Variants in ACYP2 observed in about 807,000 individuals in gnomAD.
ACYP2 encodes the protein acylphosphatase 2.
In ACYP2, 12 loss-of-function variants were observed where a neutral mutation model predicts 11.2. That is an observed-to-expected ratio of 1.08 (90% confidence interval 0.69 to 1.74). ACYP2 has a LOEUF of 1.74. Ranked by LOEUF, ACYP2 falls within the 40% of genes most tolerant of loss-of-function variation. The pLI, the probability that ACYP2 is intolerant of heterozygous loss-of-function variation, is 0.00. For synonymous variants in ACYP2, 43 were observed against 32.2 expected (o/e 1.33, Z -1.13); for missense variants, 134 against 101.9 (o/e 1.31, Z -1.35).
rs189231515 is a variant in ACYP2 at position 54,002,041 on chromosome 2, G to T, written c.62+28231G>T. ...CCCAAAGTCCATAGTTTACATTAGG[G>T]TTCACCATTGGTGGTGTACATTCTA... On this transcript the variant is annotated intron_variant, in intron 2 of 6. Transcript: ENST00000607452. Among the ~76,000 whole-genome samples, 163 of 152,244 alleles carry T rather than the reference G, an allele frequency of 1.1e-3. 1 individual carries two copies. The highest frequency in any genetic ancestry group is 6.0e-4 in the Non-Finnish European group (41 of 68,032).
intron 4 of ACYP2, among the ~76,000 whole-genome samples, chr2:54,074,024 C>A (rs1176228826): frequency 6.6e-6 from 1 of 152,188 alleles, no homozygotes; most frequent in Non-Finnish European, 1.5e-5. Flanking sequence ...AGCAATTCCA[C>A]TGCTAGGTAT....
intron 6 of ACYP2, among the ~76,000 whole-genome samples, chr2:54,292,055 G>A (rs1332212783): frequency 6.6e-6 from 1 of 152,138 alleles, no homozygotes; most frequent in African/African-American, 2.4e-5. Flanking sequence ...TTATTTGAAT[G>A]TAGCAGAAAC....
chr2:54,250,052 G>A (rs1338982850), intron 6 of ACYP2, among the ~76,000 whole-genome samples: 1 of 151,418 alleles, frequency 6.6e-6, no homozygotes, highest in African/African-American at 2.4e-5. Flanking sequence ...CTGACATGTA[G>A]CTCAGTGCAC....
intron 4 of ACYP2, among the ~76,000 whole-genome samples, chr2:54,081,490 G>C (rs1677645477): frequency 6.6e-6 from 1 of 152,148 alleles, no homozygotes; most frequent in African/African-American, 2.4e-5. Flanking sequence ...ACAGTATTCA[G>C]TACCGTCACA....
chr2:54,156,645 A>AT (rs1230528035), intron 6 of ACYP2, among the ~76,000 whole-genome samples: 1 of 151,270 alleles, frequency 6.6e-6, no homozygotes, highest in East Asian at 1.9e-4. Context: ...AGCATGAAAT[A>AT]TTTTCATTTT....
intron 6 of ACYP2, among the ~76,000 whole-genome samples, chr2:54,228,814 C>G (rs907681745): frequency 6.6e-6 from 1 of 151,940 alleles, no homozygotes; most frequent in Admixed American, 6.6e-5. Flanking sequence ...TATAAGGGGC[C>G]CATAACCAGG....
At chr2:54,229,903 C>T (rs1686160823) in intron 6 of ACYP2, among the ~76,000 whole-genome samples, 1 of 152,114 alleles carries the variant, frequency 6.6e-6, no homozygotes, top group Admixed American at 6.5e-5. Flanking sequence ...CACTAAATAG[C>T]TTTGTTATTA....
chr2:54,184,836 A>G (rs952166848), intron 6 of ACYP2, among the ~76,000 whole-genome samples: 3 of 151,324 alleles, frequency 2.0e-5, no homozygotes, highest in African/African-American at 7.3e-5. Flanking sequence ...TAACTAATGC[A>G]TTTAAGCAAT....
At chr2:54,283,254 A>G (rs1021983487) in intron 6 of ACYP2, among the ~76,000 whole-genome samples, 1 of 152,200 alleles carries the variant, frequency 6.6e-6, no homozygotes, top group Admixed American at 6.5e-5. Flanking sequence ...TATCTCTGTG[A>G]CTAGGATTAT....
chr2:54,160,344 A>T (rs1682656407), intron 6 of ACYP2, among the ~76,000 whole-genome samples: 1 of 152,154 alleles, frequency 6.6e-6, no homozygotes, highest in African/African-American at 2.4e-5. Flanking sequence ...CTGGCAGCAC[A>T]CTTCTATGTG....
Position 54,124,402 on chromosome 2 carries a change from G to C in ACYP2, c.278-11051G>C, listed in dbSNP as rs375845794. Among the ~76,000 whole-genome samples, 10 of 152,144 alleles carry C rather than the reference G, an allele frequency of 6.6e-5. No homozygotes were observed. The East Asian group carries it at 1.7e-3, about 26-fold the overall frequency. On this transcript the variant is annotated intron_variant, in intron 4 of 6. Coordinates refer to ENST00000607452, the MANE Select transcript of ACYP2 (RefSeq NM_001320586.2). ...GTAGAGACGGGGTTTCTCCATGTTG[G>C]TCAGGCTGGTCTTGAACTCCCGATC...
At chr2:54,170,093 T>A (rs985834340) in intron 6 of ACYP2, among the ~76,000 whole-genome samples, 1 of 152,178 alleles carries the variant, frequency 6.6e-6, no homozygotes, top group African/African-American at 2.4e-5. Flanking sequence ...TTTATATTTT[T>A]AGAACTATGT....
chr2:54,242,054 G>T (rs1686752361), intron 6 of ACYP2, among the ~76,000 whole-genome samples: 1 of 152,162 alleles, frequency 6.6e-6, no homozygotes, highest in African/African-American at 2.4e-5. Context: ...GCATATGGGA[G>T]AAATTAGCCA....
chr2:54,011,679 C>T (rs550799851), intron 2 of ACYP2, among the ~76,000 whole-genome samples: 2 of 152,170 alleles, frequency 1.3e-5, no homozygotes, highest in South Asian at 2.1e-4. Flanking sequence ...GATATTCTGA[C>T]AAATTGGGAC....
chr2:54,224,224 C>T (rs73934408), intron 6 of ACYP2, among the ~76,000 whole-genome samples: 1,976 of 152,352 alleles, frequency 0.013, 42 homozygotes, highest in African/African-American at 0.043. Flanking sequence ...TGGCATGCCC[C>T]AGTTTTCCTG....
intron 4 of ACYP2, among the ~76,000 whole-genome samples, chr2:54,120,883 A>T (rs1322117748): frequency 6.6e-6 from 1 of 152,102 alleles, no homozygotes; most frequent in Non-Finnish European, 1.5e-5. Context: ...TTGCTTGGGG[A>T]GTCCTGAGGC....
At chr2:54,261,041 A>G (rs1687753338) in intron 6 of ACYP2, among the ~76,000 whole-genome samples, 1 of 152,198 alleles carries the variant, frequency 6.6e-6, no homozygotes, top group South Asian at 2.1e-4. Flanking sequence ...GGGAAGGCAG[A>G]CACCTTTAGA....
At position 53,972,269 on chromosome 2, in the gene ACYP2, C is replaced by G. The variant is rs1490671416; in HGVS notation, c.-37+948C>G. Among the ~76,000 whole-genome samples, 4 of 148,172 alleles carry G rather than the reference C, an allele frequency of 2.7e-5. No individual in the cohort carries two copies. In the Admixed American group the frequency reaches 2.7e-4, roughly 10 times the overall value. ...AGGTTGCAGTGAGCCAAGATCGCGCCAGGGCACTCCAGCCTGGGCAACAAG... is the reference window on the plus strand; with the variant it reads ...AGGTTGCAGTGAGCCAAGATCGCGCGAGGGCACTCCAGCCTGGGCAACAAG... On this transcript the variant is annotated intron_variant, in intron 1 of 6. Coordinates refer to ENST00000607452, the MANE Select transcript of ACYP2 (RefSeq NM_001320586.2).
At chr2:54,056,897 T>C (rs1676181008) in intron 3 of ACYP2, among the ~76,000 whole-genome samples, 1 of 152,222 alleles carries the variant, frequency 6.6e-6, no homozygotes, top group Admixed American at 6.5e-5. Flanking sequence ...ATTATTTGTG[T>C]AAGACAAATG....
Sources: gnomAD v4.1 joint callset for allele counts (sites outside exome capture counted in the v4.1 genomes callset) on GRCh38, gnomAD v4.1.1 for gene constraint, MANE v1.5 for transcripts, NCBI Gene and HGNC (gene_info 2026-07-23, HGNC 2026-07-21) for gene names.